IL1RAPL1: variants seen among roughly 807,000 people sequenced by gnomAD.
IL1RAPL1 encodes the protein interleukin 1 receptor accessory protein like 1.
IL1RAPL1 carries 3 observed loss-of-function variants against 48.4 expected under a neutral mutation model. The observed-to-expected ratio is 0.06, with a 90% confidence interval of 0.03 to 0.16. The LOEUF (loss-of-function observed/expected upper bound fraction) is 0.16, where lower values mean the gene tolerates loss of function less well. IL1RAPL1 is among the 10% of genes least tolerant of loss of function. IL1RAPL1 has a pLI of 1.00. For synonymous variants in IL1RAPL1, 185 were observed against 187.7 expected, an observed-to-expected ratio of 0.99 and a Z score of 0.12; for missense variants, 349 against 530.6, an observed-to-expected ratio of 0.66 and a Z score of 3.36.
chrX:29,416,192 A>T (rs1252558415), intron 5 of IL1RAPL1, among the ~76,000 whole-genome samples: 3 of 111,658 alleles, frequency 2.7e-5, no homozygotes, highest in Non-Finnish European at 5.6e-5. Context: ...ACTAATAACT[A>T]GAGGTTTACA....
chrX:29,347,987 C>A (rs774262314), intron 3 of IL1RAPL1, among the ~76,000 whole-genome samples: 1 of 111,807 alleles, frequency 8.9e-6, no homozygotes, highest in South Asian at 3.7e-4. Context: ...CATCACAATA[C>A]TCAGAGCAGT....
At chrX:28,893,899 G>A (rs1487487744) in intron 2 of IL1RAPL1, among the ~76,000 whole-genome samples, 2 of 111,297 alleles carry the variant, frequency 1.8e-5, no homozygotes, top group East Asian at 2.9e-4. Context: ...TTCAGCGGGG[G>A]AGTAGGTGGG....
intron 2 of IL1RAPL1, among the ~76,000 whole-genome samples, chrX:28,873,523 C>CTTTTTTTTTTTTTTTTTTTTT (rs10554661): frequency 7.1e-5 from 4 of 56,661 alleles, no homozygotes; most frequent in African/African-American, 3.2e-4. Context: ...TTCTTTCTTT[C>CTTTTTTTTTTTTTTTTTTTTT]TTTTTTTTTT....
intron 5 of IL1RAPL1, among the ~76,000 whole-genome samples, chrX:29,602,139 A>G (rs767116523): frequency 1.8e-5 from 2 of 109,396 alleles, no homozygotes; most frequent in African/African-American, 6.9e-5. Context: ...ATGCACCACC[A>G]CACCCTGCTA....
rs140905211 is a variant in IL1RAPL1 at position 28,849,983 on chromosome X, G to C, written c.82+60558G>C. On this transcript the variant is annotated intron_variant, in intron 2 of 10. Transcript: ENST00000378993. ...CTTATGTGTACTAAAGGTAGTTACT[G>C]TCTGCAAGTGAGGAATACATTTGAT... Among the ~76,000 whole-genome samples, 961 of 111,931 alleles carry C rather than the reference G, an allele frequency of 8.6e-3. 15 individuals carry two copies. The highest frequency in any genetic ancestry group is 0.029 in the African/African-American group (903 of 30,837).
At chrX:28,704,468 A>C (rs370527666) in intron 1 of IL1RAPL1, among the ~76,000 whole-genome samples, 2 of 106,515 alleles carry the variant, frequency 1.9e-5, no homozygotes, top group Middle Eastern at 4.9e-3. Context: ...ATGCACACAC[A>C]CCCACAGTTT....
intron 1 of IL1RAPL1, among the ~76,000 whole-genome samples, chrX:28,611,201 T>A (rs1321254376): frequency 1.8e-5 from 2 of 111,866 alleles, no homozygotes; most frequent in Non-Finnish European, 3.8e-5. Flanking sequence ...TATCTTAAGG[T>A]TTAAACTTCT....
chrX:29,350,315 G>A (rs1933213098), intron 3 of IL1RAPL1, among the ~76,000 whole-genome samples: 1 of 91,608 alleles, frequency 1.1e-5, no homozygotes, highest in African/African-American at 4.4e-5. Flanking sequence ...TCTGCAGCTC[G>A]CTATGTAACC....
chrX:29,950,530 A>G (rs1180971546), intron 9 of IL1RAPL1, among the ~76,000 whole-genome samples: 1 of 111,353 alleles, frequency 9.0e-6, no homozygotes, highest in Admixed American at 9.5e-5. Flanking sequence ...AGAGTTTGCT[A>G]TAAATATAAA....
chrX:28,951,187 G>A (rs753069499), intron 2 of IL1RAPL1, among the ~76,000 whole-genome samples: 80 of 103,037 alleles, frequency 7.8e-4, no homozygotes, highest in African/African-American at 2.5e-3. Flanking sequence ...ACGAGTTAGT[G>A]GGTGCAGCGC....
chrX:28,826,171 G>A lies in IL1RAPL1; in HGVS notation c.82+36746G>A, dbSNP rs527785008. On this transcript the variant is annotated intron_variant, in intron 2 of 10. Transcript: ENST00000378993. ...CAGATGCAAATAATGTATTTGTTACGTTCATTCAATTATTAAAGAAAATTT... is the reference window on the plus strand; with the variant it reads ...CAGATGCAAATAATGTATTTGTTACATTCATTCAATTATTAAAGAAAATTT... Among the ~76,000 whole-genome samples the A allele has an allele frequency of 5.9e-4, 66 of 111,613 alleles. No homozygotes were observed. The South Asian group carries it at 0.02, about 34-fold the overall frequency.
At chrX:29,044,386 C>T (rs1483776200) in intron 2 of IL1RAPL1, among the ~76,000 whole-genome samples, 3 of 110,565 alleles carry the variant, frequency 2.7e-5, no homozygotes, top group African/African-American at 9.9e-5. Context: ...GCCAAGATCG[C>T]GCCACTACAC....
At chrX:29,818,348 C>G (rs1213951540) in intron 6 of IL1RAPL1, among the ~76,000 whole-genome samples, 1 of 111,557 alleles carries the variant, frequency 9.0e-6, no homozygotes, top group Admixed American at 9.5e-5. Context: ...TATTTTGGCC[C>G]GAGGCGAAAA....
At chrX:28,654,450 G>A (rs925063145) in intron 1 of IL1RAPL1, among the ~76,000 whole-genome samples, 3 of 111,336 alleles carry the variant, frequency 2.7e-5, no homozygotes, top group Admixed American at 9.6e-5. Flanking sequence ...TAATGGGGCC[G>A]ATTAAATGTT....
intron 1 of IL1RAPL1, among the ~76,000 whole-genome samples, chrX:28,762,612 G>T (rs1936184921): frequency 9.1e-6 from 1 of 109,752 alleles, no homozygotes; most frequent in Admixed American, 9.8e-5. Flanking sequence ...TCTGCATTTT[G>T]CTTCATGTTT....
intron 1 of IL1RAPL1, among the ~76,000 whole-genome samples, chrX:28,693,504 T>G (rs1935200789): frequency 8.9e-6 from 1 of 112,518 alleles, no homozygotes. Context: ...TATTAGAAAT[T>G]GTTGTGATTG....
At chrX:29,630,279 C>T in intron 5 of IL1RAPL1, among the ~76,000 whole-genome samples, 1 of 111,589 alleles carries the variant, frequency 9.0e-6, no homozygotes, top group African/African-American at 3.3e-5. Context: ...CTCCTAAAAC[C>T]AGCGACTCTG....
chrX:29,363,457 G>A (rs1933403391), intron 3 of IL1RAPL1, among the ~76,000 whole-genome samples: 1 of 111,606 alleles, frequency 9.0e-6, no homozygotes, highest in Non-Finnish European at 1.9e-5. Flanking sequence ...AGAGAAAGGA[G>A]AATTTTTGTA....
At chrX:28,835,728 A>G (rs1203575103) in intron 2 of IL1RAPL1, among the ~76,000 whole-genome samples, 1 of 111,235 alleles carries the variant, frequency 9.0e-6, no homozygotes, top group Non-Finnish European at 1.9e-5. Context: ...TATCAAGTAC[A>G]TGCAGTTTGG....
Sources: allele counts gnomAD v4.1 joint callset (sites outside exome capture counted in the v4.1 genomes callset), GRCh38; gene constraint gnomAD v4.1.1; transcripts MANE v1.5; gene names NCBI Gene and HGNC (gene_info 2026-07-23, HGNC 2026-07-21).